The following ZFP1 variants were observed in gnomAD, a reference collection of about 807,000 sequenced individuals.
The protein encoded by ZFP1 is zinc finger protein 1 homolog.
Under a neutral mutation model 38.5 loss-of-function variants are expected in ZFP1, and 32 were observed. The ratio of observed to expected loss-of-function variants is 0.83; its 90% CI spans 0.63 to 1.12. ZFP1 has a LOEUF of 1.12. ZFP1 is among the 50% of genes most tolerant of loss of function. ZFP1 has a pLI of 0.00. For synonymous variants in ZFP1, 245 were observed against 168.8 expected, an observed-to-expected ratio of 1.45 and a Z score of -3.50; for missense variants, 616 against 480.8, an observed-to-expected ratio of 1.28 and a Z score of -2.63.
Position 75,148,594 on chromosome 16 carries a change from C to G in ZFP1, c.-93C>G, listed in dbSNP as rs1407792747. 6.6e-6 allele frequency: 1 copy of G among 152,272 alleles called. No homozygotes were observed. The highest frequency in any genetic ancestry group is 2.4e-5 in the African/African-American group (1 of 41,478). The allele number at this position is 152,272 out of a possible 1,614,324, so 9.4% of individuals were successfully genotyped here. ...CTCCGCGCGTCTTCGCCGCCCTGCGCCGTGACCCGCTGTGGCACTGGGCCA... is the reference window on the plus strand; with the variant it reads ...CTCCGCGCGTCTTCGCCGCCCTGCGGCGTGACCCGCTGTGGCACTGGGCCA... On this transcript the variant is annotated 5_prime_UTR_variant, in exon 1 of 4. Transcript: ENST00000570010.
the ZFP1 span, among the ~76,000 whole-genome samples, chr16:75,120,746 C>T: frequency 6.6e-6 from 1 of 151,022 alleles, no homozygotes; most frequent in Non-Finnish European, 1.5e-5. Context: ...GGACTACAAG[C>T]GCCACCATGC....
At chr16:75,148,112 TAAC>T (rs1221968280), upstream of ZFP1, among the ~76,000 whole-genome samples, 4 of 152,200 alleles carry the variant, frequency 2.6e-5, no homozygotes, top group Non-Finnish European at 4.4e-5. Context: ...GCCAGTTTTG[TAAC>T]AACAACAAAA....
chr16:75,141,497 G>C, the ZFP1 span, among the ~76,000 whole-genome samples: 1 of 151,676 alleles, frequency 6.6e-6, no homozygotes, highest in Non-Finnish European at 1.5e-5. Context: ...GAGCCACCGC[G>C]CCCAGCCCAA....
chr16:75,152,919 A>T lies in ZFP1; in HGVS notation c.-33A>T, dbSNP rs147279319. ...TTTCCTCTATTCCAGTTCTGCCTTC[A>T]TAGTTCTCTGCCTTTGCCCAAAACT... is the stretch of plus-strand genomic sequence containing the variant. On this transcript the variant is annotated 5_prime_UTR_variant, in exon 2 of 4. Coordinates refer to ENST00000570010, the MANE Select transcript of ZFP1 (RefSeq NM_153688.4). 7 of 1,613,436 alleles carry T rather than the reference A, an allele frequency of 4.3e-6. No individual in the cohort carries two copies. Among genetic ancestry groups the T allele is most frequent in the South Asian group, 2.2e-5 (2 of 90,892 alleles).
chr16:75,159,409 ATTTTTTTT>A (rs59866485), intron 2 of ZFP1, among the ~76,000 whole-genome samples: 2 of 59,146 alleles, frequency 3.4e-5, no homozygotes, highest in Non-Finnish European at 6.2e-5. Context: ...CTCACTTTTC[ATTTTTTTT>A]TTTTTTTTTT....
rs2037758149 is a variant in ZFP1, at chr16:75,161,267, C to G, written c.16-5503C>G. ...TATTTTTAGTAGAAACGGGGTTTCTCCACGTTGTCCAGGCTGGTCTCGAAC... is the reference window on the plus strand; with the variant it reads ...TATTTTTAGTAGAAACGGGGTTTCTGCACGTTGTCCAGGCTGGTCTCGAAC... On this transcript the variant is annotated intron_variant, in intron 2 of 3. Transcript: ENST00000570010. Among the ~76,000 whole-genome samples the G allele has an allele frequency of 2.6e-5, 4 of 152,026 alleles. No homozygotes were observed. The South Asian group carries it at 8.3e-4, about 32-fold the overall frequency.
upstream of ZFP1, among the ~76,000 whole-genome samples, chr16:75,146,205 C>G (rs951480507): frequency 2.0e-5 from 3 of 151,602 alleles, no homozygotes; most frequent in Admixed American, 6.6e-5. Context: ...CTCTGTCGCC[C>G]AGGCTGGAGT....
At chr16:75,120,772 T>C in the ZFP1 span, among the ~76,000 whole-genome samples, 1 of 106,904 alleles carries the variant, frequency 9.4e-6, no homozygotes, top group Admixed American at 9.6e-5. Context: ...TTGTTTTTTG[T>C]TTGTTTGTTT....
At chr16:75,165,329 T>C (rs2038012485) in intron 2 of ZFP1, among the ~76,000 whole-genome samples, 1 of 152,152 alleles carries the variant, frequency 6.6e-6, no homozygotes, top group Non-Finnish European at 1.5e-5. Flanking sequence ...TCTTCTGACT[T>C]CCATTGTTTT....
chr16:75,152,399 C>CT (rs901475183), intron 1 of ZFP1, among the ~76,000 whole-genome samples: 3 of 152,148 alleles, frequency 2.0e-5, no homozygotes, highest in African/African-American at 7.2e-5. Context: ...TTCCATTTCT[C>CT]TTTGAGTTTC....
At chr16:75,123,556 G>A in the ZFP1 span, among the ~76,000 whole-genome samples, 1 of 146,412 alleles carries the variant, frequency 6.8e-6, no homozygotes, top group Non-Finnish European at 1.5e-5. Context: ...ACCCAGGCTG[G>A]AGTGCAGTGG....
chr16:75,129,194 C>G, the ZFP1 span, among the ~76,000 whole-genome samples: 2 of 152,050 alleles, frequency 1.3e-5, no homozygotes, highest in Non-Finnish European at 2.9e-5. Flanking sequence ...CCTTTCCTCC[C>G]CCTATTTTCT....
At chr16:75,121,002 GCACTGTA>G in the ZFP1 span, among the ~76,000 whole-genome samples, 1 of 152,102 alleles carries the variant, frequency 6.6e-6, no homozygotes, top group Non-Finnish European at 1.5e-5. Context: ...TTTAAAAAGT[GCACTGTA>G]AAAGCATCAC....
rs1361308056 is a variant in ZFP1 at position 75,169,866 on chromosome 16, G to T, written c.756G>T (p.Gln252His). Reference sequence around the variant, plus strand: ...AATGTGGAAAAGCTTTCACCCACCAGTCAAACCTCATTGTACACCAGAGAG... The same window carrying T: ...AATGTGGAAAAGCTTTCACCCACCATTCAAACCTCATTGTACACCAGAGAG... ...CPECGKAFTH[Q>H]SNLIVHQRAH... The change falls in exon 4 of 4, where the codon CAG (glutamine) becomes CAT (histidine). Residue 252 changes from glutamine (Q) to histidine (H), a missense_variant. Coordinates refer to ENST00000570010, the MANE Select transcript of ZFP1 (RefSeq NM_153688.4). The T allele has an allele frequency of 6.2e-7, 1 of 1,614,192 alleles. No homozygotes were observed. Among genetic ancestry groups the T allele is most frequent in the South Asian group, 1.1e-5 (1 of 91,086 alleles).
At chr16:75,168,803 T>G (rs1328570151) in intron 3 of ZFP1, among the ~76,000 whole-genome samples, 2 of 152,180 alleles carry the variant, frequency 1.3e-5, no homozygotes, top group Non-Finnish European at 2.9e-5. Context: ...ACCATAGTAG[T>G]CCGAGTTTAG....
upstream of ZFP1, among the ~76,000 whole-genome samples, chr16:75,147,149 C>G (rs1308855442): frequency 2.0e-5 from 3 of 151,952 alleles, no homozygotes; most frequent in Admixed American, 6.6e-5. Flanking sequence ...AAATGGAGCA[C>G]AGATGATTTT....
At chr16:75,167,101 C>G (rs8054717) in intron 3 of ZFP1, among the ~76,000 whole-genome samples, 1,825 of 152,260 alleles carry the variant, frequency 0.012, 40 homozygotes, top group African/African-American at 0.04. Context: ...GAGCTATGTC[C>G]CATTAGTAAA....
the ZFP1 span, among the ~76,000 whole-genome samples, chr16:75,124,780 C>G: frequency 0.32 from 38,980 of 120,268 alleles, 6,095 homozygotes; most frequent in African/African-American, 0.34. Flanking sequence ...GAGCAAGACT[C>G]CATCTCAAAA....
At chr16:75,160,002 C>G (rs2037683547) in intron 2 of ZFP1, among the ~76,000 whole-genome samples, 1 of 152,180 alleles carries the variant, frequency 6.6e-6, no homozygotes, top group African/African-American at 2.4e-5. Context: ...CTCCTCAGCA[C>G]TATGCAACCT....
Sources: allele counts gnomAD v4.1 joint callset (sites outside exome capture counted in the v4.1 genomes callset), GRCh38; gene constraint gnomAD v4.1.1; transcripts MANE v1.5; gene names NCBI Gene and HGNC (gene_info 2026-07-23, HGNC 2026-07-21).